ITGBL1: variants seen among roughly 807,000 people sequenced by gnomAD.
ITGBL1 encodes the protein integrin beta-like protein 1.
Under a neutral mutation model 68.5 loss-of-function variants are expected in ITGBL1, and 51 were observed. The ratio of observed to expected loss-of-function variants is 0.74; its 90% confidence interval spans 0.59 to 0.94. The LOEUF (loss-of-function observed/expected upper bound fraction) is 0.94, where lower values mean the gene tolerates loss of function less well. ITGBL1 is among the 40% of genes least tolerant of loss of function. The pLI is 0.00. For synonymous variants in ITGBL1, 209 were observed against 227.3 expected (o/e 0.92, Z 0.72); for missense variants, 649 against 647.4 (o/e 1.00, Z -0.03).
chr13:101,653,206 A>G (rs9557719), intron 7 of ITGBL1, among the ~76,000 whole-genome samples: 128,019 of 151,388 alleles, frequency 0.85, 55,079 homozygotes, highest in Middle Eastern at 0.93. Context: ...AGGGGAGGAA[A>G]GGAGAAAGGA....
At chr13:101,593,662 A>G (rs73554090) in intron 6 of ITGBL1, among the ~76,000 whole-genome samples, 3,087 of 152,242 alleles carry the variant, frequency 0.02, 130 homozygotes, top group African/African-American at 0.07. Context: ...AATAAGGCAC[A>G]GAAAGACCTT....
At chr13:101,659,405 C>T (rs1379858936) in intron 7 of ITGBL1, among the ~76,000 whole-genome samples, 2 of 152,074 alleles carry the variant, frequency 1.3e-5, no homozygotes, top group Non-Finnish European at 2.9e-5. Context: ...TAAGATCGTT[C>T]TCCCAGTAGC....
intron 2 of ITGBL1, among the ~76,000 whole-genome samples, chr13:101,481,782 T>G (rs1406010960): frequency 6.6e-6 from 1 of 152,182 alleles, no homozygotes; most frequent in Non-Finnish European, 1.5e-5. Context: ...TATATTTTTA[T>G]TTTTCCCCAT....
At chr13:101,645,026 C>G (rs1237726326) in intron 7 of ITGBL1, among the ~76,000 whole-genome samples, 2 of 152,134 alleles carry the variant, frequency 1.3e-5, no homozygotes, top group Admixed American at 6.5e-5. Context: ...TAATTTTTGA[C>G]TCAATAACAG....
At chr13:101,535,516 A>G (rs2049558767) in intron 2 of ITGBL1, among the ~76,000 whole-genome samples, 4 of 152,122 alleles carry the variant, frequency 2.6e-5, no homozygotes, top group South Asian at 2.1e-4. Context: ...ATGACCAGAC[A>G]GTTTTCTAAA....
Position 101,693,624 on chromosome 13 carries a change from G to GTCTGTCTGTCTATCTA in ITGBL1, c.1132+926_1132+927insGTCTGTCTATCTATCT, listed in dbSNP as rs71780453. Among the ~76,000 whole-genome samples, 56 of 146,184 alleles carry GTCTGTCTGTCTATCTA rather than the reference G, an allele frequency of 3.8e-4. 1 individual carries two copies. Among genetic ancestry groups the GTCTGTCTGTCTATCTA allele is most frequent in the East Asian group, 1.2e-3 (6 of 4,848 alleles). On this transcript the variant is annotated intron_variant, in intron 8 of 10. Transcript: ENST00000376180. Reference sequence around the variant, plus strand: ...ATCCATCCATCCTATCTGTCTGTCTGTCTATCTATCTATCTATCTATCTAT... The same window carrying GTCTGTCTGTCTATCTA: ...ATCCATCCATCCTATCTGTCTGTCTGTCTGTCTGTCTATCTATCTATCTATCTATCTATCTATCTAT...
At chr13:101,613,214 C>T (rs993932709) in intron 7 of ITGBL1, among the ~76,000 whole-genome samples, 8 of 152,208 alleles carry the variant, frequency 5.3e-5, no homozygotes, top group African/African-American at 1.2e-4. Flanking sequence ...TACAATTTTA[C>T]GGGCTTACAA....
intron 9 of ITGBL1, among the ~76,000 whole-genome samples, chr13:101,710,024 A>G (rs1332519490): frequency 1.3e-5 from 2 of 152,262 alleles, no homozygotes; most frequent in Non-Finnish European, 2.9e-5. Flanking sequence ...ATATTGACTC[A>G]AAGGCATTTC....
At chr13:101,566,853 G>A (rs959074115) in intron 2 of ITGBL1, among the ~76,000 whole-genome samples, 11 of 152,142 alleles carry the variant, frequency 7.2e-5, no homozygotes, top group Non-Finnish European at 1.3e-4. Flanking sequence ...CTGCTGTTAC[G>A]TCTATAGGTC....
At chr13:101,652,339 G>A (rs747155442) in intron 7 of ITGBL1, among the ~76,000 whole-genome samples, 2 of 152,070 alleles carry the variant, frequency 1.3e-5, no homozygotes, top group Non-Finnish European at 2.9e-5. Context: ...CAACAGGGTG[G>A]CCATGTGACC....
chr13:101,591,956 T>A (rs2050663302), intron 6 of ITGBL1, among the ~76,000 whole-genome samples: 1 of 152,196 alleles, frequency 6.6e-6, no homozygotes, highest in Admixed American at 6.5e-5. Context: ...TAGCTCCTTT[T>A]TATGTAGCTT....
intron 7 of ITGBL1, among the ~76,000 whole-genome samples, chr13:101,618,522 G>T (rs909650084): frequency 6.6e-6 from 1 of 152,152 alleles, no homozygotes; most frequent in African/African-American, 2.4e-5. Flanking sequence ...ACAAATAAAT[G>T]ATTTATGTGC....
intron 2 of ITGBL1, among the ~76,000 whole-genome samples, chr13:101,560,594 A>G (rs2050083374): frequency 6.6e-6 from 1 of 152,230 alleles, no homozygotes; most frequent in African/African-American, 2.4e-5. Flanking sequence ...ATTTACTTTT[A>G]AAAGATATTG....
chr13:101,520,788 A>G (rs990629009), intron 2 of ITGBL1, among the ~76,000 whole-genome samples: 1 of 152,184 alleles, frequency 6.6e-6, no homozygotes, highest in African/African-American at 2.4e-5. Flanking sequence ...AAGCCAGAGG[A>G]TTGCTGGCCA....
chr13:101,510,739 T>G (rs548126251), intron 2 of ITGBL1, among the ~76,000 whole-genome samples: 2 of 152,282 alleles, frequency 1.3e-5, no homozygotes, highest in Admixed American at 1.3e-4. Context: ...TGCATTTTGA[T>G]GATGATTAGT....
chr13:101,635,946 C>T (rs878910161), intron 7 of ITGBL1, among the ~76,000 whole-genome samples: 2 of 151,938 alleles, frequency 1.3e-5, no homozygotes, highest in African/African-American at 2.4e-5. Flanking sequence ...GTTTACCTAA[C>T]CAAGTTATGT....
In ITGBL1 at chr13:101,560,498, A is replaced by G. The variant is rs1488446302; in HGVS notation, c.317-7201A>G. ...TCTATGTGATAAAATTGTTGCCAGT[A>G]ATAATCATGAAGAGATAATTAACAA... On this transcript the variant is annotated intron_variant, in intron 2 of 10. Transcript: ENST00000376180. Among the ~76,000 whole-genome samples, 11 of 152,330 alleles carry G rather than the reference A, an allele frequency of 7.2e-5. No individual in the cohort carries two copies. The East Asian group carries it at 1.9e-3, about 27-fold the overall frequency.
chr13:101,559,653 A>G (rs2050067777), intron 2 of ITGBL1, among the ~76,000 whole-genome samples: 1 of 152,230 alleles, frequency 6.6e-6, no homozygotes, highest in Admixed American at 6.5e-5. Flanking sequence ...AGAACTAAAC[A>G]GATAATGTTG....
intron 2 of ITGBL1, among the ~76,000 whole-genome samples, chr13:101,459,249 G>A (rs920307491): frequency 2.0e-5 from 3 of 152,168 alleles, no homozygotes; most frequent in Admixed American, 1.3e-4. Context: ...AATTGTTAAC[G>A]TGGGTTAACT....
Sources: gnomAD v4.1 joint callset for allele counts (sites outside exome capture counted in the v4.1 genomes callset) on GRCh38, gnomAD v4.1.1 for gene constraint, MANE v1.5 for transcripts, NCBI Gene and HGNC (gene_info 2026-07-23, HGNC 2026-07-21) for gene names.